CCDC73: variants seen among roughly 807,000 people sequenced by gnomAD.
The protein encoded by CCDC73 is coiled-coil domain-containing protein 73.
Under a neutral mutation model 116.5 loss-of-function variants are expected in CCDC73, and 95 were observed. The ratio of observed to expected loss-of-function variants is 0.82; its 90% CI spans 0.69 to 0.97. CCDC73 has a LOEUF of 0.97. Ranked by LOEUF, CCDC73 falls within the 50% of genes least tolerant of loss-of-function variation. The pLI, the probability that CCDC73 is intolerant of heterozygous loss-of-function variation, is 0.00. For missense variants in CCDC73, 1,066 were observed against 1,206.8 expected, an observed-to-expected ratio of 0.88 and a Z score of 1.73; for synonymous variants, 398 against 401.3, an observed-to-expected ratio of 0.99 and a Z score of 0.10.
chr11:32,797,035 GTAAC>G (rs1311183608), upstream of CCDC73, among the ~76,000 whole-genome samples: 3 of 108,116 alleles, frequency 2.8e-5, no homozygotes, highest in Non-Finnish European at 5.8e-5. Flanking sequence ...AAAAAAAAAA[GTAAC>G]AACTTAAAAA....
chr11:32,743,450 G>A (rs1850207408), intron 2 of CCDC73, among the ~76,000 whole-genome samples: 1 of 152,144 alleles, frequency 6.6e-6, no homozygotes, highest in African/African-American at 2.4e-5. Context: ...ATAACGAAAT[G>A]AAGGCAGAAA....
chr11:32,804,822 G>A, the CCDC73 span, among the ~76,000 whole-genome samples: 1 of 152,160 alleles, frequency 6.6e-6, no homozygotes, highest in Non-Finnish European at 1.5e-5. Context: ...TTCAAAGTAG[G>A]AATATTCTTC....
chr11:32,821,073 T>A, the CCDC73 span, among the ~76,000 whole-genome samples: 1 of 152,212 alleles, frequency 6.6e-6, no homozygotes, highest in Non-Finnish European at 1.5e-5. Context: ...GTCAAATTTA[T>A]CAATCTTTAC....
At position 32,793,293 on chromosome 11, in the gene CCDC73, C is replaced by T. The variant is rs912680103; in HGVS notation, c.-16+1320G>A. On this transcript the variant is annotated intron_variant, in intron 1 of 17. Transcript: ENST00000335185. Reference sequence around the variant, plus strand: ...CCGAAGAAATGGCTGAGAGAAGACACCAGTGAAGGACTACAGAGGAAACTC... The same window carrying T: ...CCGAAGAAATGGCTGAGAGAAGACATCAGTGAAGGACTACAGAGGAAACTC... Among the ~76,000 whole-genome samples the T allele has an allele frequency of 2.0e-5, 3 of 152,220 alleles. No individual in the cohort carries two copies. In the East Asian group the frequency reaches 5.8e-4, roughly 29 times the overall value.
chr11:32,655,001 T>G, intron 9 of CCDC73, 29 bp from the exon 10 acceptor site: 1 of 1,344,738 alleles, frequency 7.4e-7, no homozygotes. Flanking sequence ...AAACAGAAAA[T>G]TCAGTACACA....
the CCDC73 span, among the ~76,000 whole-genome samples, chr11:32,818,367 AT>A: frequency 6.6e-6 from 1 of 152,258 alleles, no homozygotes; most frequent in African/African-American, 2.4e-5. Context: ...TCTTTGAGCT[AT>A]AGTGCCCTCA....
intron 1 of CCDC73, among the ~76,000 whole-genome samples, chr11:32,788,595 C>T (rs945574459): frequency 1.3e-5 from 2 of 151,956 alleles, no homozygotes; most frequent in African/African-American, 4.8e-5. Flanking sequence ...CCACCTCAGC[C>T]TCCCAAGTAG....
At chr11:32,751,510 G>A (rs1033229172) in intron 2 of CCDC73, among the ~76,000 whole-genome samples, 5 of 152,246 alleles carry the variant, frequency 3.3e-5, no homozygotes, top group South Asian at 2.1e-4. Flanking sequence ...TGGGTCATTC[G>A]CCTCTGGCTA....
chr11:32,703,246 C>T (rs1379190058), intron 3 of CCDC73, among the ~76,000 whole-genome samples: 1 of 152,002 alleles, frequency 6.6e-6, no homozygotes, highest in Non-Finnish European at 1.5e-5. Context: ...TGCCACCATG[C>T]CCAGCTAATT....
chr11:32,734,787 C>T (rs1368044073), intron 2 of CCDC73, among the ~76,000 whole-genome samples: 47 of 152,092 alleles, frequency 3.1e-4, no homozygotes, highest in South Asian at 2.1e-4. Flanking sequence ...ACTGGCAAAC[C>T]GAATCCAGCA....
rs755982060 is a variant in CCDC73, at chr11:32,614,815, T to C, written c.1503A>G (p.Gln501=). Residue 501 remains glutamine, a synonymous_variant, in exon 16 of 18, where the codon CAA becomes CAG. Transcript: ENST00000335185. ...SLDKEVISQG[Q]TSNVTDNRKS... The stretch of plus-strand genomic sequence containing the variant: ...TTCTGTTGTCCGTAACATTCGAGGT[T>C]TGTCCTTGACTAATTACTTCTTTAT... 6.2e-7 allele frequency: 1 copy of C among 1,613,432 alleles called. No individual in the cohort carries two copies. Among genetic ancestry groups the C allele is most frequent in the South Asian group, 1.1e-5 (1 of 91,052 alleles).
chr11:32,665,122 A>T (rs1855968288), intron 9 of CCDC73, among the ~76,000 whole-genome samples: 2 of 152,176 alleles, frequency 1.3e-5, no homozygotes, highest in South Asian at 4.1e-4. Context: ...TGCTGAGAAA[A>T]ATGTATATTC....
chr11:32,657,626 T>A (rs1335018057), intron 9 of CCDC73, among the ~76,000 whole-genome samples: 1 of 152,052 alleles, frequency 6.6e-6, no homozygotes, highest in African/African-American at 2.4e-5. Flanking sequence ...GTTAAATCTG[T>A]GGGAGGTACT....
chr11:32,706,783 C>A (rs1055321818), intron 3 of CCDC73, among the ~76,000 whole-genome samples: 1 of 152,094 alleles, frequency 6.6e-6, no homozygotes, highest in African/African-American at 2.4e-5. Flanking sequence ...ACCTCGGTTC[C>A]CCAAATGAGA....
chr11:32,615,949 T>G lies in CCDC73; in HGVS notation c.1366A>C (p.Ile456Leu), dbSNP rs1283836827. ...KKEGSFIEEI[I>L]IDDLQLFEKS... ...ATAATTTTAAGGTTACCATCTATAA[T>G]TATTTCCTCTATAAATGAGCCTTCT... The change falls in exon 15 of 18, where the codon ATT (isoleucine) becomes CTT (leucine). Residue 456 changes from isoleucine (I) to leucine (L), a missense_variant. Coordinates refer to ENST00000335185, the MANE Select transcript of CCDC73 (RefSeq NM_001008391.4). 6.4e-7 allele frequency: 1 copy of G among 1,556,854 alleles called. No individual in the cohort carries two copies.
At position 32,616,051 on chromosome 11, in the gene CCDC73, T is replaced by C. The variant is rs996429760; in HGVS notation, c.1264A>G (p.Thr422Ala). 1.9e-6 allele frequency: 3 copies of C among 1,603,670 alleles called. No individual in the cohort carries two copies. Among genetic ancestry groups the C allele is most frequent in the Middle Eastern group, 1.7e-4 (1 of 6,034 alleles). ...SENTIIQKYN[T>A]EQEIREENME... ...TTTTCTTCCCTTATTTCTTGCTCAG[T>C]ATTATATTTCTGTATAATGGTGTTT... Residue 422 changes from threonine to alanine, a missense_variant, in exon 15 of 18, where the codon ACT becomes GCT. Coordinates refer to ENST00000335185, the MANE Select transcript of CCDC73 (RefSeq NM_001008391.4).
chr11:32,787,169 A>G lies in CCDC73; in HGVS notation c.-16+7444T>C, dbSNP rs138473201. Among the ~76,000 whole-genome samples the G allele has an allele frequency of 3.5e-3, 539 of 152,292 alleles. 6 individuals are homozygous for G. The highest frequency in any genetic ancestry group is 0.013 in the African/African-American group (520 of 41,572). On this transcript the variant is annotated intron_variant, in intron 1 of 17. Transcript: ENST00000335185. ...TCCTATCAGCAACAAAGTGATGTGTATTATCTTATAAATTATATGGCCATA... is the reference window on the plus strand; with the variant it reads ...TCCTATCAGCAACAAAGTGATGTGTGTTATCTTATAAATTATATGGCCATA...
chr11:32,737,268 TG>T (rs1565088974), intron 2 of CCDC73, among the ~76,000 whole-genome samples: 4 of 148,558 alleles, frequency 2.7e-5, no homozygotes, highest in African/African-American at 1.0e-4. Context: ...TGTGTGTGTG[TG>T]TGTGTATATA....
Position 32,654,990 on chromosome 11 carries a change from C to A in CCDC73, c.646-18G>T. The A allele has an allele frequency of 6.5e-7, 1 of 1,532,462 alleles. No individual in the cohort carries two copies. 94.9% of individuals were successfully genotyped at this position (1,532,462 alleles called of 1,614,324 possible). A position where few individuals can be genotyped will look rare whatever the true frequency, so the allele number is the denominator to read the frequency against. On this transcript the variant is annotated intron_variant, in intron 9 of 17. Transcript: ENST00000335185. ...TTTAGTTCCTTAATAAGAAACATAT[C>A]AAACAGAAAATTCAGTACACATATT...
Sources: allele counts gnomAD v4.1 joint callset (sites outside exome capture counted in the v4.1 genomes callset), GRCh38; gene constraint gnomAD v4.1.1; transcripts MANE v1.5; gene names NCBI Gene and HGNC (gene_info 2026-07-23, HGNC 2026-07-21).